Variants in OSBPL8 observed in about 807,000 individuals in gnomAD.
OSBPL8 encodes the protein oxysterol-binding protein-related protein 8.
Under a neutral mutation model 125.5 loss-of-function variants are expected in OSBPL8, and 59 were observed. The ratio of observed to expected loss-of-function variants is 0.47; its 90% CI spans 0.38 to 0.58. OSBPL8 has a LOEUF of 0.58. Ranked by LOEUF, OSBPL8 falls within the 20% of genes least tolerant of loss-of-function variation. The pLI is 0.00. For synonymous variants in OSBPL8, 330 were observed against 338.9 expected, an observed-to-expected ratio of 0.97 and a Z score of 0.29; for missense variants, 758 against 1,047.8, an observed-to-expected ratio of 0.72 and a Z score of 3.82.
chr12:76,428,895 G>C lies in OSBPL8; in HGVS notation c.218-18261C>G, dbSNP rs183623198. ...CAGCACATAAACCAAAATGGGAGCA[G>C]ATAAATCAAGATGGGAGATAATGAA... On this transcript the variant is annotated intron_variant, in intron 4 of 23. Coordinates refer to ENST00000261183, the MANE Select transcript of OSBPL8 (RefSeq NM_020841.5). 2.6e-3 allele frequency among the ~76,000 whole-genome samples: 393 copies of C among 152,234 alleles called. 2 individuals are homozygous for C. The Middle Eastern group carries it at 0.031, about 12-fold the overall frequency.
At chr12:76,359,371 C>T (rs1952109648) in intron 21 of OSBPL8, among the ~76,000 whole-genome samples, 1 of 152,122 alleles carries the variant, frequency 6.6e-6, no homozygotes, top group Non-Finnish European at 1.5e-5. Flanking sequence ...TTTTGTAGAG[C>T]ATTATTTAAA....
At chr12:76,384,159 C>T (rs1233619143) in intron 15 of OSBPL8, 95 bp downstream of exon 15, 1 of 592,440 alleles carries the variant, frequency 1.7e-6, no homozygotes, top group Non-Finnish European at 2.8e-6. Context: ...TGACAAACTC[C>T]TTGTTGAAAA....
chr12:76,552,428 CAAAAAAAAAAAAAAAA>C (rs55942644), intron 1 of OSBPL8, among the ~76,000 whole-genome samples: 21 of 54,898 alleles, frequency 3.8e-4, no homozygotes, highest in Admixed American at 1.5e-3. Flanking sequence ...CCCATGTCTC[CAAAAAAAAAAAAAAAA>C]AAAAAAAAAA....
intron 2 of OSBPL8, chr12:76,485,904 G>C (rs1210034787): frequency 3.6e-6 from 1 of 276,626 alleles, no homozygotes; most frequent in Non-Finnish European, 7.2e-6. Context: ...AAAAGTATTT[G>C]AGTTGAAAGA....
intron 21 of OSBPL8, among the ~76,000 whole-genome samples, chr12:76,363,368 C>A (rs1390377215): frequency 1.3e-5 from 2 of 152,146 alleles, no homozygotes; most frequent in African/African-American, 4.8e-5. Context: ...CATCTACAAC[C>A]ATCTGATCTT....
intron 21 of OSBPL8, among the ~76,000 whole-genome samples, chr12:76,362,259 TGA>T (rs1161222123): frequency 6.6e-6 from 1 of 151,898 alleles, no homozygotes; most frequent in Non-Finnish European, 1.5e-5. Flanking sequence ...CCAATATTCC[TGA>T]TGAACATCGA....
intron 1 of OSBPL8, among the ~76,000 whole-genome samples, chr12:76,489,823 T>C (rs868707099): frequency 1.3e-5 from 2 of 152,220 alleles, no homozygotes; most frequent in African/African-American, 2.4e-5. Context: ...CTGCCAGAGA[T>C]AGTGATTCCT....
intron 1 of OSBPL8, among the ~76,000 whole-genome samples, chr12:76,542,958 C>A (rs367813666): frequency 6.6e-6 from 1 of 152,302 alleles, no homozygotes; most frequent in South Asian, 2.1e-4. Context: ...AGATGTTCTG[C>A]GAGAAATATT....
chr12:76,388,897 G>T (rs568364973), intron 12 of OSBPL8, among the ~76,000 whole-genome samples: 2 of 152,140 alleles, frequency 1.3e-5, no homozygotes, highest in Non-Finnish European at 1.5e-5. Flanking sequence ...GACAAAAACC[G>T]AAAATAAGTC....
intron 21 of OSBPL8, among the ~76,000 whole-genome samples, chr12:76,365,551 T>G (rs575250367): frequency 6.6e-6 from 1 of 152,350 alleles, no homozygotes; most frequent in Admixed American, 6.5e-5. Context: ...TGTCACCTGT[T>G]AATTAGAGAT....
Position 76,490,106 on chromosome 12 carries a change from T to G in OSBPL8, c.-67-2488A>C, listed in dbSNP as rs1157787940. 2.0e-5 allele frequency among the ~76,000 whole-genome samples: 3 copies of G among 152,186 alleles called. No individual in the cohort carries two copies. In the East Asian group the frequency reaches 5.8e-4, roughly 29 times the overall value. On this transcript the variant is annotated intron_variant, in intron 1 of 23. Transcript: ENST00000261183. The stretch of plus-strand genomic sequence containing the variant: ...ATAGCTGCAATCTCAAGACAAAACT[T>G]GAATGAATGAGGACTTACTTCTTAT...
chr12:76,353,289 T>C lies in OSBPL8; in HGVS notation c.*2600A>G, dbSNP rs1951882666. ...GTAACTTAACATTTCACATGCCCTA[T>C]TTATTGTTGTTGTTTTTTTTTTTTT... On this transcript the variant is annotated 3_prime_UTR_variant, in exon 24 of 24. Coordinates refer to ENST00000261183, the MANE Select transcript of OSBPL8 (RefSeq NM_020841.5). 1 of 119,820 alleles carries C rather than the reference T, an allele frequency of 8.3e-6. No homozygotes were observed. Among genetic ancestry groups the C allele is most frequent in the South Asian group, 3.2e-4 (1 of 3,126 alleles). The allele number at this position is 119,820 out of a possible 1,614,324, so 7.4% of individuals were successfully genotyped here. A position where few individuals can be genotyped will look rare whatever the true frequency, so the allele number is the denominator to read the frequency against.
At chr12:76,461,622 A>G (rs984114407) in intron 2 of OSBPL8, among the ~76,000 whole-genome samples, 2 of 152,012 alleles carry the variant, frequency 1.3e-5, no homozygotes, top group Non-Finnish European at 2.9e-5. Flanking sequence ...TATTTTTAGT[A>G]GAGACGGGGT....
At chr12:76,503,535 A>T (rs1417477515) in intron 1 of OSBPL8, among the ~76,000 whole-genome samples, 3 of 152,092 alleles carry the variant, frequency 2.0e-5, no homozygotes, top group Non-Finnish European at 1.5e-5. Flanking sequence ...GCTTATAACA[A>T]GTATGTTTTT....
intron 8 of OSBPL8, among the ~76,000 whole-genome samples, chr12:76,395,890 CTCT>C (rs1000270573): frequency 6.6e-6 from 1 of 151,764 alleles, no homozygotes; most frequent in Non-Finnish European, 1.5e-5. Context: ...ACAGATTTCT[CTCT>C]TCTTCCAATA....
At chr12:76,554,667 TATTA>T (rs766341463) in intron 1 of OSBPL8, among the ~76,000 whole-genome samples, 4 of 152,224 alleles carry the variant, frequency 2.6e-5, no homozygotes, top group Non-Finnish European at 5.9e-5. Context: ...GCACATTAGC[TATTA>T]ATATGACCTA....
chr12:76,555,277 T>G (rs1003065524), intron 1 of OSBPL8, among the ~76,000 whole-genome samples: 3 of 152,150 alleles, frequency 2.0e-5, no homozygotes, highest in Non-Finnish European at 2.9e-5. Context: ...AGGCTCAGAT[T>G]TTCAGCTACA....
chr12:76,429,523 ATAGAC>A (rs781294295), intron 4 of OSBPL8, among the ~76,000 whole-genome samples: 2 of 152,130 alleles, frequency 1.3e-5, no homozygotes, highest in East Asian at 3.9e-4. Flanking sequence ...AGGTTTGTGA[ATAGAC>A]TATTCACAAA....
At chr12:76,499,062 T>C (rs901845340) in intron 1 of OSBPL8, among the ~76,000 whole-genome samples, 1 of 152,104 alleles carries the variant, frequency 6.6e-6, no homozygotes, top group Non-Finnish European at 1.5e-5. Flanking sequence ...AGACCCACCC[T>C]TAATCTGGTG....
Sources: allele counts gnomAD v4.1 joint callset (sites outside exome capture counted in the v4.1 genomes callset), GRCh38; gene constraint gnomAD v4.1.1; transcripts MANE v1.5; gene names NCBI Gene and HGNC (gene_info 2026-07-23, HGNC 2026-07-21).